The following GPC4 variants were observed in gnomAD, a reference collection of about 807,000 sequenced individuals.
GPC4 encodes the protein glypican 4.
A neutral mutation model predicts 35.0 loss-of-function variants in GPC4; 10 were observed. The ratio of observed to expected loss-of-function variants is 0.29; its 90% CI spans 0.18 to 0.48. The LOEUF is 0.48. Among genes scored for constraint, GPC4 ranks in the 20% least tolerant of loss-of-function variants. The pLI is 0.99. For synonymous variants in GPC4, 167 were observed against 170.2 expected (o/e 0.98, Z 0.15); for missense variants, 322 against 451.3 (o/e 0.71, Z 2.60).
intron 1 of GPC4, chrX:133,414,507 T>G: frequency 1.3e-6 from 1 of 753,856 alleles, no homozygotes; most frequent in Admixed American, 8.6e-5. Flanking sequence ...CGGCGAATAA[T>G]GCAGGGGGGA....
intron 1 of GPC4, among the ~76,000 whole-genome samples, chrX:133,413,817 C>A (rs912563015): frequency 1.8e-5 from 2 of 112,061 alleles, no homozygotes; most frequent in African/African-American, 3.2e-5. Flanking sequence ...CCGGACACCG[C>A]CGCCAGCTTC....
intron 2 of GPC4, among the ~76,000 whole-genome samples, chrX:133,336,063 T>C (rs112275943): frequency 2.3e-4 from 26 of 112,085 alleles, no homozygotes; most frequent in African/African-American, 6.5e-4. Context: ...ACTTTCTCTC[T>C]TCAATTCACA....
At chrX:133,324,663 T>C (rs1269132428) in intron 2 of GPC4, 127 bp from the exon 3 acceptor site, 3 of 632,410 alleles carry the variant, frequency 4.7e-6, no homozygotes, top group African/African-American at 2.3e-5. Flanking sequence ...AACGTGTTTG[T>C]ATATAGGGTG....
intron 3 of GPC4, among the ~76,000 whole-genome samples, chrX:133,316,183 G>C (rs746276653): frequency 3.5e-4 from 39 of 111,704 alleles, no homozygotes; most frequent in African/African-American, 1.2e-3. Context: ...ACAGTATTTA[G>C]TATGTGCCAG....
intron 1 of GPC4, among the ~76,000 whole-genome samples, chrX:133,380,912 T>C (rs1174075644): frequency 3.6e-5 from 4 of 112,194 alleles, no homozygotes; most frequent in Admixed American, 2.8e-4. Flanking sequence ...AAATATGCAG[T>C]GAGCCCTAGT....
chrX:133,391,743 C>T (rs2068720550), intron 1 of GPC4, among the ~76,000 whole-genome samples: 2 of 111,547 alleles, frequency 1.8e-5, no homozygotes, highest in South Asian at 7.6e-4. Context: ...GAACTGAGGG[C>T]TCAGCTGAGG....
At chrX:133,371,225 A>G (rs1265758063) in intron 1 of GPC4, among the ~76,000 whole-genome samples, 1 of 112,574 alleles carries the variant, frequency 8.9e-6, no homozygotes, top group African/African-American at 3.2e-5. Flanking sequence ...ACTGTTAACT[A>G]AAAGTCTACT....
intron 1 of GPC4, among the ~76,000 whole-genome samples, chrX:133,348,756 A>G (rs141315439): frequency 8.9e-6 from 1 of 112,370 alleles, no homozygotes; most frequent in East Asian, 2.8e-4. Context: ...TGTGAGTTTC[A>G]AGCTCTTTAA....
intron 2 of GPC4, among the ~76,000 whole-genome samples, chrX:133,329,166 T>C (rs1257385813): frequency 8.9e-6 from 1 of 112,048 alleles, no homozygotes; most frequent in East Asian, 2.8e-4. Flanking sequence ...TGACCTTGCT[T>C]GGGCAAAAGG....
intron 1 of GPC4, among the ~76,000 whole-genome samples, chrX:133,388,043 A>T (rs1387926727): frequency 8.9e-6 from 1 of 112,241 alleles, no homozygotes; most frequent in Non-Finnish European, 1.9e-5. Context: ...CTTCTATGCC[A>T]TAGATGACAA....
chrX:133,383,910 G>C (rs1422384166), intron 1 of GPC4, among the ~76,000 whole-genome samples: 1 of 111,855 alleles, frequency 8.9e-6, no homozygotes, highest in African/African-American at 3.2e-5. Context: ...AGTCAATGTA[G>C]GTTCACTGAC....
intron 2 of GPC4, among the ~76,000 whole-genome samples, chrX:133,333,030 T>G (rs944824534): frequency 8.9e-6 from 1 of 112,273 alleles, no homozygotes; most frequent in Non-Finnish European, 1.9e-5. Context: ...TGCTAATTCT[T>G]TCGAGAGAGG....
At chrX:133,333,916 G>A (rs2266803) in intron 2 of GPC4, among the ~76,000 whole-genome samples, 47,546 of 111,484 alleles carry the variant, frequency 0.43, 9,327 homozygotes, top group African/African-American at 0.78. Flanking sequence ...TACTTTGAGG[G>A]TGTTTTAGAC....
At chrX:133,394,277 A>AT (rs1556036089) in intron 1 of GPC4, among the ~76,000 whole-genome samples, 64 of 108,916 alleles carry the variant, frequency 5.9e-4, no homozygotes, top group Middle Eastern at 4.7e-3. Context: ...CTCAAAAAAA[A>AT]ATATATATAT....
intron 1 of GPC4, among the ~76,000 whole-genome samples, chrX:133,347,249 T>TTTTTG (rs2068496111): frequency 9.3e-4 from 8 of 8,583 alleles, no homozygotes; most frequent in Admixed American, 1.8e-3. Context: ...CTATTAGAAG[T>TTTTTG]TTTTTTTTTT....
At chrX:133,409,816 C>T (rs2068805513) in intron 1 of GPC4, among the ~76,000 whole-genome samples, 1 of 111,261 alleles carries the variant, frequency 9.0e-6, no homozygotes, top group South Asian at 3.8e-4. Context: ...ATTAAGCTGG[C>T]GATGTTCAGG....
intron 1 of GPC4, among the ~76,000 whole-genome samples, chrX:133,376,586 T>C (rs1372798479): frequency 8.9e-6 from 1 of 112,300 alleles, no homozygotes; most frequent in Non-Finnish European, 1.9e-5. Context: ...TTTTCCTAGC[T>C]ATAAAACACA....
intron 1 of GPC4, among the ~76,000 whole-genome samples, chrX:133,390,708 C>T (rs1317778919): frequency 1.8e-5 from 2 of 112,242 alleles, no homozygotes; most frequent in African/African-American, 6.5e-5. Flanking sequence ...CCTTATCTTT[C>T]CAGATCATCT....
chrX:133,338,450 TA>T (rs1319479958), intron 2 of GPC4, among the ~76,000 whole-genome samples: 2 of 112,252 alleles, frequency 1.8e-5, no homozygotes, highest in Non-Finnish European at 3.8e-5. Flanking sequence ...CTCCATATTC[TA>T]TTTTTTAAAG....
Sources: allele counts gnomAD v4.1 joint callset (sites outside exome capture counted in the v4.1 genomes callset), GRCh38; gene constraint gnomAD v4.1.1; transcripts MANE v1.5; gene names NCBI Gene and HGNC (gene_info 2026-07-23, HGNC 2026-07-21).